The following ATRX variants were observed in gnomAD, a reference collection of about 807,000 sequenced individuals.
ATRX encodes ATRX chromatin remodeler.
Under a neutral mutation model 172.6 loss-of-function variants are expected in ATRX, and 12 were observed. That is an observed-to-expected ratio of 0.07 (90% CI 0.04 to 0.11). The LOEUF (loss-of-function observed/expected upper bound fraction) is 0.11. Ranked by LOEUF, ATRX falls within the 10% of genes least tolerant of loss-of-function variation. ATRX has a pLI of 1.00. For missense variants in ATRX, 1,368 were observed against 1,767.4 expected (o/e 0.77, Z 4.05); for synonymous variants, 674 against 594.7 (o/e 1.13, Z -1.94).
At chrX:77,533,953 A>G (rs2063667684) in intron 30 of ATRX, among the ~76,000 whole-genome samples, 2 of 111,959 alleles carry the variant, frequency 1.8e-5, no homozygotes, top group Admixed American at 1.9e-4. Flanking sequence ...CTTACTTAAG[A>G]GTTTATTAAA....
At chrX:77,659,238 T>TA (rs1161514560) in intron 12 of ATRX, among the ~76,000 whole-genome samples, 23 of 107,710 alleles carry the variant, frequency 2.1e-4, no homozygotes, top group Non-Finnish European at 3.1e-4. Context: ...ACCACAATAA[T>TA]AAAAAAAAAG....
chrX:77,509,242 T>C (rs1557035296), intron 34 of ATRX, among the ~76,000 whole-genome samples: 4 of 111,992 alleles, frequency 3.6e-5, no homozygotes. Flanking sequence ...TAAAGAATTA[T>C]ATAACTTAGT....
chrX:77,775,255 C>A (rs1438688993), intron 1 of ATRX, among the ~76,000 whole-genome samples: 1 of 111,355 alleles, frequency 9.0e-6, no homozygotes, highest in Non-Finnish European at 1.9e-5. Context: ...AATCTTTGTG[C>A]TATTTTTACA....
intron 1 of ATRX, among the ~76,000 whole-genome samples, chrX:77,738,764 T>C (rs1384799813): frequency 9.2e-5 from 10 of 109,182 alleles, no homozygotes; most frequent in Non-Finnish European, 1.7e-4. Context: ...GGTTTCACCA[T>C]GTTGGCCTGG....
intron 34 of ATRX, among the ~76,000 whole-genome samples, chrX:77,511,104 A>G (rs1249792118): frequency 8.9e-6 from 1 of 112,110 alleles, no homozygotes; most frequent in Non-Finnish European, 1.9e-5. Flanking sequence ...ACAGAGAGAG[A>G]TTCTGTTTGG....
chrX:77,529,976 A>G (rs1310592751), intron 30 of ATRX, among the ~76,000 whole-genome samples: 2 of 111,992 alleles, frequency 1.8e-5, no homozygotes, highest in Non-Finnish European at 3.8e-5. Flanking sequence ...AGAACTCTTC[A>G]CCCAAAAACA....
At chrX:77,612,418 G>C (rs1406824757) in intron 22 of ATRX, among the ~76,000 whole-genome samples, 3 of 108,249 alleles carry the variant, frequency 2.8e-5, no homozygotes, top group African/African-American at 1.0e-4. Flanking sequence ...GGGCCTGTTG[G>C]GGGGTGAGGG....
intron 25 of ATRX, chrX:77,594,094 A>G: frequency 3.1e-6 from 1 of 321,139 alleles, no homozygotes; most frequent in Non-Finnish European, 5.4e-6. Context: ...TAAGAGAACA[A>G]GCAAGAGATT....
chrX:77,621,922 A>C lies in ATRX; in HGVS notation c.5135-1390T>G, dbSNP rs150977663. ...ATCTCTAGCTTTGTATTTAAAAATT[A>C]TGCATCCCTTACTTTGAATCTGAAA... On this transcript the variant is annotated intron_variant, in intron 19 of 34. Coordinates refer to ENST00000373344, the MANE Select transcript of ATRX (RefSeq NM_000489.6). 5.8e-3 allele frequency among the ~76,000 whole-genome samples: 652 copies of C among 112,063 alleles called. 2 individuals carry two copies. Among genetic ancestry groups the C allele is most frequent in the African/African-American group, 0.02 (623 of 30,852 alleles).
chrX:77,780,142 G>A (rs2076517728), intron 1 of ATRX, among the ~76,000 whole-genome samples: 1 of 111,117 alleles, frequency 9.0e-6, no homozygotes, highest in South Asian at 3.8e-4. Flanking sequence ...ATACAACCAG[G>A]TATACATGAT....
intron 12 of ATRX, among the ~76,000 whole-genome samples, chrX:77,660,021 G>A (rs1437126671): frequency 9.0e-6 from 1 of 110,976 alleles, no homozygotes; most frequent in Non-Finnish European, 1.9e-5. Flanking sequence ...AAACCACTTG[G>A]GTAATAAATT....
At chrX:77,661,197 AT>A (rs2069872443) in intron 12 of ATRX, among the ~76,000 whole-genome samples, 1 of 112,129 alleles carries the variant, frequency 8.9e-6, no homozygotes, top group East Asian at 2.8e-4. Context: ...ATGTCTACTT[AT>A]TGATAATGTG....
At chrX:77,680,428 T>C (rs2071119945) in intron 9 of ATRX, among the ~76,000 whole-genome samples, 1 of 111,927 alleles carries the variant, frequency 8.9e-6, no homozygotes, top group Non-Finnish European at 1.9e-5. Context: ...CTGGGCACAG[T>C]AGCTCATGCC....
chrX:77,517,570 C>T (rs921934064), intron 34 of ATRX, among the ~76,000 whole-genome samples: 1 of 112,001 alleles, frequency 8.9e-6, no homozygotes, highest in Non-Finnish European at 1.9e-5. Flanking sequence ...CCAATGTCTT[C>T]ACTGCTGAAT....
intron 30 of ATRX, 121 bp from the exon 31 acceptor site, chrX:77,523,522 T>A: frequency 4.3e-6 from 3 of 701,275 alleles, no homozygotes; most frequent in Non-Finnish European, 6.3e-6. Context: ...ATATTTCTGA[T>A]ATATATGACA....
At chrX:77,720,547 C>T (rs1557168317) in intron 1 of ATRX, among the ~76,000 whole-genome samples, 1 of 111,814 alleles carries the variant, frequency 8.9e-6, no homozygotes, top group Non-Finnish European at 1.9e-5. Context: ...ACTATAAGCA[C>T]CTCTATGCAA....
At chrX:77,696,821 G>C (rs1557150209) in intron 4 of ATRX, 117 bp from the exon 5 acceptor site, 2 of 716,652 alleles carry the variant, frequency 2.8e-6, no homozygotes, top group African/African-American at 4.3e-5. Flanking sequence ...AAGCACATCA[G>C]AATCACCTAG....
chrX:77,703,952 C>A (rs1466503269), intron 2 of ATRX, among the ~76,000 whole-genome samples: 1 of 110,730 alleles, frequency 9.0e-6, no homozygotes, highest in Non-Finnish European at 1.9e-5. Context: ...TTCTTCTCTG[C>A]TAGGCAAGTC....
In ATRX at chrX:77,634,426, T is replaced by A; in HGVS notation, c.4809+168A>T. On this transcript the variant is annotated intron_variant, in intron 17 of 34. Coordinates refer to ENST00000373344, the MANE Select transcript of ATRX (RefSeq NM_000489.6). ...TGAAAGTACATATTTCTTATTTGAT[T>A]AGCAGCTCTCTCCTCCACTAGAATA... 4.6e-6 allele frequency: 2 copies of A among 436,911 alleles called. 1 individual carries two copies. The highest frequency in any genetic ancestry group is 8.1e-5 in the South Asian group (2 of 24,742). 36.0% of individuals were successfully genotyped at this position (436,911 alleles called of 1,213,427 possible).
Sources: allele counts gnomAD v4.1 joint callset (sites outside exome capture counted in the v4.1 genomes callset), GRCh38; gene constraint gnomAD v4.1.1; transcripts MANE v1.5; gene names NCBI Gene and HGNC (gene_info 2026-07-23, HGNC 2026-07-21).